The following PRIMA1 variants were observed in gnomAD, a reference collection of about 807,000 sequenced individuals.
The protein encoded by PRIMA1 is proline rich membrane anchor 1, also known as proline-rich membrane anchor 1.
PRIMA1 carries 7 observed loss-of-function variants against 17.5 expected under a neutral mutation model. That is an observed-to-expected ratio of 0.40 (90% CI 0.23 to 0.75). The LOEUF is 0.75. PRIMA1 is among the 30% of genes least tolerant of loss of function. The pLI is 0.37. For missense variants in PRIMA1, 200 were observed against 201.8 expected, an observed-to-expected ratio of 0.99 and a Z score of 0.05; for synonymous variants, 97 against 77.9, an observed-to-expected ratio of 1.25 and a Z score of -1.29.
At chr14:93,753,641 C>T (rs72694718) in intron 3 of PRIMA1, among the ~76,000 whole-genome samples, 8,427 of 152,190 alleles carry the variant, frequency 0.055, 280 homozygotes, top group African/African-American at 0.074. Flanking sequence ...AGCAGAACCT[C>T]GCCATCTTTC....
At chr14:93,747,960 T>TGTATAAGTGTGTGA (rs2076234103) in intron 3 of PRIMA1, among the ~76,000 whole-genome samples, 1 of 147,388 alleles carries the variant, frequency 6.8e-6, no homozygotes, top group Non-Finnish European at 1.5e-5. Context: ...TGAGTGTGTG[T>TGTATAAGTGTGTGA]GTATAAGTGT....
chr14:93,757,049 A>G (rs2076295479), intron 3 of PRIMA1, among the ~76,000 whole-genome samples: 1 of 152,200 alleles, frequency 6.6e-6, no homozygotes, highest in African/African-American at 2.4e-5. Context: ...GGCCTTTGCG[A>G]AATATTTCTC....
chr14:93,787,701 C>G lies in PRIMA1; in HGVS notation c.18G>C (p.Leu6Phe). The G allele has an allele frequency of 1.9e-6, 3 of 1,544,372 alleles. No homozygotes were observed. Among genetic ancestry groups the G allele is most frequent in the South Asian group, 1.2e-5 (1 of 84,010 alleles). Residue 6 changes from leucine to phenylalanine, a missense_variant, in exon 2 of 5, where the codon TTG (leucine) becomes TTC (phenylalanine). Physicochemically the swap from Leu to Phe is conservative, Grantham distance 22. Transcript: ENST00000393140. ...ACCAGCAGCAGCCACGGCGCAGCAC[C>G]AAGTCCCGGAGGAGCATCTCGGCCA... MLLRD[L>F]VLRRGCCWSS...
intron 3 of PRIMA1, among the ~76,000 whole-genome samples, chr14:93,741,535 T>C (rs1247947033): frequency 1.3e-5 from 2 of 152,232 alleles, no homozygotes; most frequent in Non-Finnish European, 2.9e-5. Flanking sequence ...GGCAGTGTGC[T>C]GGGATCTGGG....
chr14:93,725,297 G>A (rs541123893), intron 4 of PRIMA1, among the ~76,000 whole-genome samples: 3 of 152,232 alleles, frequency 2.0e-5, no homozygotes, highest in African/African-American at 7.2e-5. Context: ...GCAGCCGAGG[G>A]CTCTCCTGAG....
chr14:93,749,515 T>G (rs963620132), intron 3 of PRIMA1, among the ~76,000 whole-genome samples: 2 of 152,088 alleles, frequency 1.3e-5, no homozygotes, highest in African/African-American at 2.4e-5. Context: ...CCGAGACACT[T>G]AACTACATGT....
At chr14:93,764,205 A>G (rs944319062) in intron 3 of PRIMA1, among the ~76,000 whole-genome samples, 5 of 151,388 alleles carry the variant, frequency 3.3e-5, no homozygotes, top group African/African-American at 1.2e-4. Context: ...CCTCTGGCTC[A>G]TCTCTCAGAG....
At chr14:93,755,881 G>A (rs980358829) in intron 3 of PRIMA1, among the ~76,000 whole-genome samples, 2 of 152,054 alleles carry the variant, frequency 1.3e-5, no homozygotes, top group Non-Finnish European at 2.9e-5. Context: ...CTGGCGAGGT[G>A]AGGAAGGGCT....
At chr14:93,780,708 T>G (rs1248108738) in intron 2 of PRIMA1, among the ~76,000 whole-genome samples, 1 of 152,146 alleles carries the variant, frequency 6.6e-6, no homozygotes, top group Admixed American at 6.5e-5. Context: ...AGGTTAAACT[T>G]CTTATGCAGA....
At chr14:93,760,184 A>G (rs1239809327) in intron 3 of PRIMA1, among the ~76,000 whole-genome samples, 1 of 152,212 alleles carries the variant, frequency 6.6e-6, no homozygotes, top group African/African-American at 2.4e-5. Context: ...TGGTTGCCAC[A>G]GTGAGGAACC....
intron 3 of PRIMA1, among the ~76,000 whole-genome samples, chr14:93,764,516 C>T (rs192322234): frequency 7.9e-5 from 12 of 152,118 alleles, no homozygotes; most frequent in Non-Finnish European, 1.3e-4. Flanking sequence ...ACTCTCCCTG[C>T]GGGTTCACCA....
intron 3 of PRIMA1, among the ~76,000 whole-genome samples, chr14:93,747,652 A>G (rs1390591242): frequency 6.8e-6 from 1 of 147,664 alleles, no homozygotes; most frequent in African/African-American, 2.5e-5. Flanking sequence ...AGTATTGTGT[A>G]TGAGTGTGTG....
intron 4 of PRIMA1, among the ~76,000 whole-genome samples, chr14:93,736,885 A>G (rs1212994817): frequency 6.6e-6 from 1 of 152,234 alleles, no homozygotes; most frequent in East Asian, 1.9e-4. Context: ...GTTTTGCAAC[A>G]TTTTTGTATT....
At chr14:93,760,469 C>G (rs1192679226) in intron 3 of PRIMA1, among the ~76,000 whole-genome samples, 2 of 152,124 alleles carry the variant, frequency 1.3e-5, no homozygotes, top group Admixed American at 6.5e-5. Context: ...CCTTCCACCC[C>G]TCCCTATTCT....
intron 3 of PRIMA1, among the ~76,000 whole-genome samples, chr14:93,751,640 CTGT>C (rs1385829028): frequency 6.6e-6 from 1 of 152,168 alleles, no homozygotes; most frequent in African/African-American, 2.4e-5. Context: ...AGCCTAAGTC[CTGT>C]TTAAAAGGGT....
chr14:93,776,391 G>A (rs1885222296), intron 3 of PRIMA1, among the ~76,000 whole-genome samples: 1 of 152,110 alleles, frequency 6.6e-6, no homozygotes, highest in Non-Finnish European at 1.5e-5. Flanking sequence ...AACTCAACAT[G>A]AGTTCTCTCT....
chr14:93,782,387 G>A (rs12147942), intron 2 of PRIMA1, among the ~76,000 whole-genome samples: 16,515 of 152,284 alleles, frequency 0.11, 1,116 homozygotes, highest in Admixed American at 0.21. Flanking sequence ...GGGAGACTGA[G>A]GCGGGCGGAT....
chr14:93,757,804 C>T (rs1452358986), intron 3 of PRIMA1, among the ~76,000 whole-genome samples: 2 of 152,180 alleles, frequency 1.3e-5, no homozygotes, highest in East Asian at 3.8e-4. Context: ...AACCTGGTAG[C>T]TCTTAATGCC....
intron 3 of PRIMA1, among the ~76,000 whole-genome samples, chr14:93,747,946 TGTA>T (rs2076233801): frequency 6.9e-6 from 1 of 145,786 alleles, no homozygotes; most frequent in African/African-American, 2.6e-5. Context: ...TGAGTGTGTG[TGTA>T]TGAGTGTGTG....
Sources: allele counts gnomAD v4.1 joint callset (sites outside exome capture counted in the v4.1 genomes callset), GRCh38; gene constraint gnomAD v4.1.1; transcripts MANE v1.5; gene names NCBI Gene and HGNC (gene_info 2026-07-23, HGNC 2026-07-21).